The following RC3H2 variants were observed in gnomAD, a reference collection of about 807,000 sequenced individuals.
The protein encoded by RC3H2 is roquin-2.
In RC3H2, 31 loss-of-function variants were observed where a neutral mutation model predicts 133.3. That is an observed-to-expected ratio of 0.23 (90% CI 0.17 to 0.31). The LOEUF (loss-of-function observed/expected upper bound fraction) is 0.31. Ranked by LOEUF, RC3H2 falls within the 10% of genes least tolerant of loss-of-function variation. The pLI is 1.00. For missense variants in RC3H2, 1,175 were observed against 1,437.2 expected (o/e 0.82, Z 2.95); for synonymous variants, 517 against 502.2 (o/e 1.03, Z -0.40).
intron 9 of RC3H2, among the ~76,000 whole-genome samples, chr9:122,871,498 C>T (rs867152880): frequency 2.9e-5 from 4 of 138,652 alleles, no homozygotes; most frequent in East Asian, 2.7e-4. Context: ...GGGGTTTCAC[C>T]GTGTTAGTGG....
At chr9:122,850,052 A>T (rs894346989) in intron 20 of RC3H2, among the ~76,000 whole-genome samples, 1 of 149,532 alleles carries the variant, frequency 6.7e-6, no homozygotes, top group African/African-American at 2.5e-5. Context: ...TCTCGGCTCA[A>T]TGCAACCTCT....
chr9:122,890,438 G>T lies in RC3H2; in HGVS notation c.457C>A (p.Arg153=), dbSNP rs1194960665. The T allele has an allele frequency of 2.5e-6, 4 of 1,613,988 alleles. No individual in the cohort carries two copies. The highest frequency in any genetic ancestry group is 2.7e-5 in the African/African-American group (2 of 74,872). The stretch of plus-strand genomic sequence containing the variant: ...CTTTCTCCAAGGGAACGAGCTGCTC[G>T]CATGGCTCTTACACGACCTTCTTCC... The part of the protein sequence containing the change: ...VEEEGRVRAM[R]AARSLGERTV... The change falls in exon 4 of 21, where the codon CGA becomes AGA. Residue 153 remains arginine, a synonymous_variant. Transcript: ENST00000357244.
intron 13 of RC3H2, among the ~76,000 whole-genome samples, 190 bp downstream of exon 13, chr9:122,857,732 GC>G (rs1830299190): frequency 6.6e-6 from 1 of 152,204 alleles, no homozygotes. Flanking sequence ...AAAGGACTAT[GC>G]CTTAACGGTC....
intron 4 of RC3H2, among the ~76,000 whole-genome samples, chr9:122,887,494 A>T (rs1183861190): frequency 1.3e-5 from 2 of 152,040 alleles, no homozygotes; most frequent in Non-Finnish European, 2.9e-5. Flanking sequence ...CGCCCAGCAC[A>T]AGACTTCCTA....
intron 1 of RC3H2, among the ~76,000 whole-genome samples, 187 bp downstream of exon 1, chr9:122,904,923 G>A (rs1446891594): frequency 4.6e-5 from 7 of 152,206 alleles, no homozygotes; most frequent in South Asian, 2.1e-4. Context: ...AGCCCTACCA[G>A]AGAGAGGGGC....
rs1022188459 is a variant in RC3H2, at chr9:122,905,297, C to T, written c.-255G>A. ...GAAGGCCGCGACGGGGCCTCCTCCT[C>T]CTCCCTCCACCTCCGCCTCCTCCTC... is the stretch of plus-strand genomic sequence containing the variant. On this transcript the variant is annotated 5_prime_UTR_variant, in exon 1 of 21. Transcript: ENST00000357244. The T allele has an allele frequency of 4.8e-5, 47 of 985,416 alleles. No individual in the cohort carries two copies. Among genetic ancestry groups the T allele is most frequent in the Non-Finnish European group, 5.5e-5 (46 of 829,878 alleles). 61.0% of individuals were successfully genotyped at this position (985,416 alleles called of 1,614,324 possible).
intron 1 of RC3H2, among the ~76,000 whole-genome samples, chr9:122,904,788 C>G (rs1036406793): frequency 1.3e-5 from 2 of 152,212 alleles, no homozygotes; most frequent in African/African-American, 4.8e-5. Flanking sequence ...CCCTTACTAA[C>G]TGGTGTAGAA....
chr9:122,889,917 A>G lies in RC3H2; in HGVS notation c.583+395T>C, dbSNP rs542446483. Among the ~76,000 whole-genome samples, 314 of 152,296 alleles carry G rather than the reference A, an allele frequency of 2.1e-3. 1 individual carries two copies. Among genetic ancestry groups the G allele is most frequent in the African/African-American group, 7.4e-3 (307 of 41,570 alleles). Reference sequence around the variant, plus strand: ...AGAACTTTGGGAGGCTGGGGCAGGCAGATCACCTGAGGTCAGGAGTTCCAG... The same window carrying G: ...AGAACTTTGGGAGGCTGGGGCAGGCGGATCACCTGAGGTCAGGAGTTCCAG... On this transcript the variant is annotated intron_variant, in intron 4 of 20. Coordinates refer to ENST00000357244, the MANE Select transcript of RC3H2 (RefSeq NM_001100588.3).
At chr9:122,853,004 G>A (rs546807390) in intron 18 of RC3H2, among the ~76,000 whole-genome samples, 3 of 152,306 alleles carry the variant, frequency 2.0e-5, no homozygotes, top group African/African-American at 7.2e-5. Context: ...GAAAGAAGTA[G>A]ACATGGGAGA....
chr9:122,880,638 C>T lies in RC3H2; in HGVS notation c.916G>A (p.Gly306Ser). The change falls in exon 6 of 21, where the codon GGT (glycine) becomes AGT (serine). Residue 306 changes from glycine to serine, a missense_variant. Around this residue, in one of 8 missense-constraint regions of RC3H2, gnomAD observed 131 missense variants for 154.2 expected, o/e 0.85. Transcript: ENST00000357244. ...ATGTGTGATTTATGAGCCAAATCAC[C>T]ATACAAAAGAGAGGACCACTGTTCA... ...SPEQWSSLLY[G>S]DLAHKSHMQS... 6.2e-7 allele frequency: 1 copy of T among 1,614,068 alleles called. No individual in the cohort carries two copies. Among genetic ancestry groups the T allele is most frequent in the Non-Finnish European group, 8.5e-7 (1 of 1,179,994 alleles).
intron 1 of RC3H2, among the ~76,000 whole-genome samples, chr9:122,901,740 C>G (rs1018180320): frequency 6.7e-6 from 1 of 150,358 alleles, no homozygotes; most frequent in South Asian, 2.1e-4. Context: ...TACAAGTGCG[C>G]ACCACCATGC....
At position 122,890,969 on chromosome 9, in the gene RC3H2, C is replaced by A. The variant is rs181751491; in HGVS notation, c.350-424G>T. Among the ~76,000 whole-genome samples, 59 of 149,756 alleles carry A rather than the reference C, an allele frequency of 3.9e-4. 1 individual carries two copies. Among genetic ancestry groups the A allele is most frequent in the Non-Finnish European group, 3.7e-4 (25 of 67,504 alleles). The stretch of plus-strand genomic sequence containing the variant: ...GCTGTTATTTCATCCATCTAAAATA[C>A]AAATATTTTCATTGATCCTGCTTCC... On this transcript the variant is annotated intron_variant, in intron 3 of 20. Transcript: ENST00000357244.
chr9:122,877,186 C>T (rs1831378604), intron 9 of RC3H2, among the ~76,000 whole-genome samples: 1 of 152,156 alleles, frequency 6.6e-6, no homozygotes, highest in African/African-American at 2.4e-5. Flanking sequence ...CCTTCCACTT[C>T]AGTCTTTTGA....
chr9:122,861,810 G>A, intron 10 of RC3H2, among the ~76,000 whole-genome samples: 1 of 152,300 alleles, frequency 6.6e-6, no homozygotes, highest in East Asian at 1.9e-4. Flanking sequence ...TTACTTCTAT[G>A]TGTAACTGTA....
At chr9:122,865,732 A>G in intron 9 of RC3H2, 75 bp from the exon 10 acceptor site, 1 of 1,241,278 alleles carries the variant, frequency 8.1e-7, no homozygotes, top group Non-Finnish European at 1.1e-6. Flanking sequence ...GCAATGGGCA[A>G]TGGGAATAGA....
intron 4 of RC3H2, among the ~76,000 whole-genome samples, chr9:122,888,618 A>G (rs1217736871): frequency 2.0e-5 from 3 of 152,116 alleles, no homozygotes; most frequent in African/African-American, 7.2e-5. Flanking sequence ...TAACTTACCA[A>G]CGTATCTGGA....
At chr9:122,877,374 G>C in intron 9 of RC3H2, 97 bp downstream of exon 9, 1 of 933,602 alleles carries the variant, frequency 1.1e-6, no homozygotes, top group Non-Finnish European at 1.7e-6. Context: ...CCCTTAACTT[G>C]CATTTTTGAA....
chr9:122,864,554 A>C (rs926551699), intron 10 of RC3H2, among the ~76,000 whole-genome samples: 1 of 152,164 alleles, frequency 6.6e-6, no homozygotes, highest in Non-Finnish European at 1.5e-5. Flanking sequence ...AACTGGCCTA[A>C]GATCAAACAG....
chr9:122,866,651 C>A (rs2131412040), intron 9 of RC3H2, among the ~76,000 whole-genome samples: 1 of 152,262 alleles, frequency 6.6e-6, no homozygotes, highest in East Asian at 1.9e-4. Context: ...GAGTGATCCG[C>A]CAGCCTCGGC....
Sources: gnomAD v4.1 joint callset for allele counts (sites outside exome capture counted in the v4.1 genomes callset) on GRCh38, gnomAD v4.1.1 for gene constraint, gnomAD v4.1.1 regional missense constraint, MANE v1.5 for transcripts, NCBI Gene and HGNC (gene_info 2026-07-23, HGNC 2026-07-21) for gene names.